ZNF678: variants seen among roughly 807,000 people sequenced by gnomAD.
ZNF678 encodes zinc finger protein 678.
ZNF678 carries 5 observed loss-of-function variants against 3.0 expected under a neutral mutation model. The observed-to-expected ratio is 1.69, with a 90% CI of 0.88 to 3.56. The LOEUF is 3.56. Among genes scored for constraint, ZNF678 ranks in the 30% most tolerant of loss-of-function variants. The probability of loss-of-function intolerance (pLI) is 0.00; values close to 1 mark genes in which losing one functional copy is unlikely to be tolerated. For missense variants in ZNF678, 593 were observed against 605.0 expected (o/e 0.98, Z 0.21); for synonymous variants, 218 against 199.6 (o/e 1.09, Z -0.78).
At chr1:227,626,671 G>A (rs1015458314) in intron 1 of ZNF678, among the ~76,000 whole-genome samples, 1 of 152,086 alleles carries the variant, frequency 6.6e-6, no homozygotes, top group Non-Finnish European at 1.5e-5. Flanking sequence ...AAGGCTATAG[G>A]CAACAGAGCA....
At chr1:227,575,429 T>G (rs2102720975) in intron 1 of ZNF678, among the ~76,000 whole-genome samples, 1 of 152,334 alleles carries the variant, frequency 6.6e-6, no homozygotes, top group Admixed American at 6.5e-5. Flanking sequence ...GAGCAGCATT[T>G]TATAGTTCTC....
chr1:227,647,455 G>C (rs1284275839), intron 2 of ZNF678, among the ~76,000 whole-genome samples: 6 of 152,170 alleles, frequency 3.9e-5, no homozygotes, highest in Admixed American at 3.9e-4. Flanking sequence ...AGGTCTTGCT[G>C]TGTCTAATCC....
At chr1:227,625,645 C>T (rs533839812) in intron 1 of ZNF678, among the ~76,000 whole-genome samples, 59 of 152,036 alleles carry the variant, frequency 3.9e-4, no homozygotes, top group Non-Finnish European at 6.8e-4. Context: ...CTTCATGGAG[C>T]CCAGTGAGGG....
chr1:227,649,618 G>C (rs1365153953), intron 2 of ZNF678, among the ~76,000 whole-genome samples: 1 of 152,178 alleles, frequency 6.6e-6, no homozygotes, highest in Non-Finnish European at 1.5e-5. Flanking sequence ...CCAAAGTGCT[G>C]GGATTATAGA....
chr1:227,569,205 G>A (rs909348143), intron 1 of ZNF678, among the ~76,000 whole-genome samples: 19 of 152,294 alleles, frequency 1.2e-4, no homozygotes, highest in Non-Finnish European at 1.8e-4. Flanking sequence ...GTCCAGACTG[G>A]TCTTGAACTC....
rs1026508031 is a variant in ZNF678, at chr1:227,657,889, T to A, written c.*2061T>A. 2.6e-5 allele frequency: 4 copies of A among 152,064 alleles called. No individual in the cohort carries two copies. Among genetic ancestry groups the A allele is most frequent in the Admixed American group, 6.6e-5 (1 of 15,246 alleles). The allele number at this position is 152,064 out of a possible 1,614,324, so 9.4% of individuals were successfully genotyped here. A position where few individuals can be genotyped will look rare whatever the true frequency, so the allele number is the denominator to read the frequency against. ...GTATTGAATTTACTTCTGTAAAATC[T>A]TATGGCTGCTGGCTCAGAATCTTCT... On this transcript the variant is annotated 3_prime_UTR_variant, in exon 4 of 4. Coordinates refer to ENST00000343776, the MANE Select transcript of ZNF678 (RefSeq NM_001367909.1).
chr1:227,655,524 G>T lies in ZNF678; in HGVS notation c.1274G>T (p.Arg425Ile), dbSNP rs768848927. ...TGCTCTCACCTAACTAGCCATAAGA[G>T]AATTCATACTGGAGAGAAACCCTAC... ...KQCSHLTSHK[R>I]IHTGEKPYKC... is the part of the protein sequence containing the mutation. Residue 425 changes from arginine to isoleucine, a missense_variant, in exon 4 of 4, where the codon AGA becomes ATA. Arg to Ile is a moderately conservative substitution (Grantham distance 97). Transcript: ENST00000343776. 3.7e-6 allele frequency: 6 copies of T among 1,612,484 alleles called. No individual in the cohort carries two copies. Among genetic ancestry groups the T allele is most frequent in the South Asian group, 1.1e-5 (1 of 91,034 alleles).
chr1:227,640,026 G>A (rs868186499), intron 1 of ZNF678, among the ~76,000 whole-genome samples: 25 of 152,210 alleles, frequency 1.6e-4, no homozygotes, highest in African/African-American at 5.8e-4. Context: ...TAGCACAGGT[G>A]CTGAAATAAG....
Position 227,646,535 on chromosome 1 carries a change from C to G in ZNF678, c.-163-9C>G. 1 of 1,369,596 alleles carries G rather than the reference C, an allele frequency of 7.3e-7. No homozygotes were observed. Among genetic ancestry groups the G allele is most frequent in the Non-Finnish European group, 9.8e-7 (1 of 1,022,784 alleles). The allele number at this position is 1,369,596 out of a possible 1,614,324, so 84.8% of individuals were successfully genotyped here. On this transcript the variant is annotated splice_polypyrimidine_tract_variant and intron_variant, in intron 1 of 3. Transcript: ENST00000343776. The stretch of plus-strand genomic sequence containing the variant: ...TTTGTAAATACGTGTGTATTTTTCC[C>G]CCCCCCAGGGACTACTGGCATTCAG...
chr1:227,579,936 TG>T (rs1299237725), intron 1 of ZNF678, among the ~76,000 whole-genome samples: 1 of 152,118 alleles, frequency 6.6e-6, no homozygotes, highest in Non-Finnish European at 1.5e-5. Flanking sequence ...TCAAACCCTT[TG>T]GGCTCTGCAT....
chr1:227,674,885 G>T (rs150948982), intron 5 of ZNF678, among the ~76,000 whole-genome samples: 6 of 152,154 alleles, frequency 3.9e-5, no homozygotes, highest in African/African-American at 1.4e-4. Context: ...GCCACTGCAC[G>T]CAGCCTATTT....
intron 1 of ZNF678, among the ~76,000 whole-genome samples, chr1:227,632,843 C>T (rs529496778): frequency 3.3e-5 from 5 of 152,206 alleles, no homozygotes; most frequent in Non-Finnish European, 5.9e-5. Flanking sequence ...AAGATGGTGG[C>T]GGGCCGCTCC....
intron 2 of ZNF678, among the ~76,000 whole-genome samples, chr1:227,647,268 CAAAA>C (rs1219307615): frequency 6.6e-6 from 1 of 152,078 alleles, no homozygotes; most frequent in Non-Finnish European, 1.5e-5. Flanking sequence ...AACAAACAAA[CAAAA>C]AGAACCTATA....
At chr1:227,665,084 C>A (rs887720287), downstream of ZNF678, among the ~76,000 whole-genome samples, 1 of 152,178 alleles carries the variant, frequency 6.6e-6, no homozygotes, top group Non-Finnish European at 1.5e-5. Flanking sequence ...CTAGAAAATT[C>A]TTCGGGTACA....
intron 1 of ZNF678, among the ~76,000 whole-genome samples, chr1:227,590,322 TTC>T (rs2102737466): frequency 6.6e-6 from 1 of 151,886 alleles, no homozygotes; most frequent in South Asian, 2.1e-4. Context: ...TTCTACAGAC[TTC>T]TCTTTCAGCT....
At chr1:227,565,333 G>A (rs1276513940) in intron 1 of ZNF678, among the ~76,000 whole-genome samples, 1 of 152,016 alleles carries the variant, frequency 6.6e-6, no homozygotes, top group African/African-American at 2.4e-5. Flanking sequence ...CAAAGCGTTG[G>A]GATTACAGGG....
intron 1 of ZNF678, among the ~76,000 whole-genome samples, chr1:227,581,118 A>G (rs764274136): frequency 3.3e-5 from 5 of 152,068 alleles, no homozygotes; most frequent in Non-Finnish European, 5.9e-5. Flanking sequence ...TAGAAAATGT[A>G]GTATGGTTTC....
intron 1 of ZNF678, among the ~76,000 whole-genome samples, chr1:227,623,892 A>G (rs1658343638): frequency 6.6e-6 from 1 of 152,194 alleles, no homozygotes. Flanking sequence ...AATCATCTGG[A>G]AGATTTGAGG....
intron 1 of ZNF678, among the ~76,000 whole-genome samples, chr1:227,586,490 T>C (rs1657267006): frequency 6.6e-6 from 1 of 152,094 alleles, no homozygotes; most frequent in Non-Finnish European, 1.5e-5. Flanking sequence ...AACAAAAGTA[T>C]CCTAACTGAA....
Sources: gnomAD v4.1 joint callset for allele counts (sites outside exome capture counted in the v4.1 genomes callset) on GRCh38, gnomAD v4.1.1 for gene constraint, MANE v1.5 for transcripts, NCBI Gene and HGNC (gene_info 2026-07-23, HGNC 2026-07-21) for gene names.